The following ME3 variants were observed in gnomAD, a reference collection of about 807,000 sequenced individuals.
ME3 encodes malic enzyme 3, also known as NADP-dependent malic enzyme, mitochondrial.
ME3 carries 48 observed loss-of-function variants against 68.9 expected under a neutral mutation model. That is an observed-to-expected ratio of 0.70 (90% CI 0.55 to 0.89). The LOEUF is 0.89. ME3 is among the 40% of genes least tolerant of loss of function. ME3 has a pLI of 0.00. For synonymous variants in ME3, 320 were observed against 318.8 expected (o/e 1.00, Z -0.04); for missense variants, 675 against 797.4 (o/e 0.85, Z 1.85).
At chr11:86,495,878 G>T (rs1952293584) in intron 6 of ME3, among the ~76,000 whole-genome samples, 1 of 152,106 alleles carries the variant, frequency 6.6e-6, no homozygotes. Flanking sequence ...GACTTACCTG[G>T]CTCATCATGG....
intron 2 of ME3, among the ~76,000 whole-genome samples, chr11:86,566,978 G>A (rs527472967): frequency 6.6e-6 from 1 of 152,206 alleles, no homozygotes; most frequent in South Asian, 2.1e-4. Context: ...AGCACTTTGG[G>A]AGGCTGAGGC....
intron 13 of ME3, among the ~76,000 whole-genome samples, chr11:86,445,777 A>T (rs1335313771): frequency 1.3e-5 from 2 of 152,162 alleles, no homozygotes; most frequent in African/African-American, 4.8e-5. Context: ...CTAGTAAGAT[A>T]CCTGGAATAG....
chr11:86,600,135 C>T (rs1960341505), intron 2 of ME3, among the ~76,000 whole-genome samples: 2 of 152,192 alleles, frequency 1.3e-5, no homozygotes, highest in East Asian at 3.9e-4. Context: ...ACTAAATGCT[C>T]CAATTAAAAG....
chr11:86,482,777 C>T (rs753253475), intron 7 of ME3, among the ~76,000 whole-genome samples: 1 of 151,892 alleles, frequency 6.6e-6, no homozygotes, highest in Non-Finnish European at 1.5e-5. Flanking sequence ...GACCCTAAGA[C>T]TCAATGGAAA....
At chr11:86,531,464 A>G (rs1173917178) in intron 4 of ME3, among the ~76,000 whole-genome samples, 1 of 152,250 alleles carries the variant, frequency 6.6e-6, no homozygotes, top group East Asian at 1.9e-4. Context: ...ATCTAGAACT[A>G]GAAATACCAC....
intron 7 of ME3, among the ~76,000 whole-genome samples, chr11:86,468,900 C>T (rs565599933): frequency 1.4e-4 from 21 of 152,080 alleles, no homozygotes; most frequent in Non-Finnish European, 2.1e-4. Flanking sequence ...ATGATGTAGG[C>T]GCTGTTTCCA....
rs552915954 is a variant in ME3 at position 86,507,645 on chromosome 11, G to A, written c.543+1147C>T. On this transcript the variant is annotated intron_variant, in intron 5 of 14. Transcript: ENST00000543262. ...TAGCAGGAGGAGATCTGGGGATTTAGCCAGAGGCTAATACATTTCTACAAA... is the reference window on the plus strand; with the variant it reads ...TAGCAGGAGGAGATCTGGGGATTTAACCAGAGGCTAATACATTTCTACAAA... 2.6e-5 allele frequency among the ~76,000 whole-genome samples: 4 copies of A among 152,262 alleles called. 1 individual carries two copies. In the South Asian group the frequency reaches 8.3e-4, roughly 32 times the overall value.
At chr11:86,471,141 C>CTTTTTTTTTTTTTTTTTTTT (rs1163128094) in intron 7 of ME3, among the ~76,000 whole-genome samples, 10 of 75,034 alleles carry the variant, frequency 1.3e-4, no homozygotes, top group African/African-American at 5.7e-4. Flanking sequence ...AGGCCCAGAG[C>CTTTTTTTTTTTTTTTTTTTT]TTTTTTTTTT....
At chr11:86,436,121 C>A (rs1427908706), downstream of ME3, 1 of 152,102 alleles carries the variant, frequency 6.6e-6, no homozygotes, top group Non-Finnish European at 1.5e-5. Context: ...TGAAGACTTA[C>A]AAGGCAAGGG....
At chr11:86,533,087 C>T (rs987434990) in intron 4 of ME3, among the ~76,000 whole-genome samples, 3 of 150,974 alleles carry the variant, frequency 2.0e-5, no homozygotes, top group African/African-American at 7.3e-5. Flanking sequence ...GTAACCTAAT[C>T]TTATACCTCA....
At chr11:86,448,858 G>C (rs1286938635) in intron 10 of ME3, among the ~76,000 whole-genome samples, 1 of 152,162 alleles carries the variant, frequency 6.6e-6, no homozygotes, top group African/African-American at 2.4e-5. Flanking sequence ...CTTTGGATTA[G>C]CTGGCCTCAT....
At chr11:86,611,452 AG>A (rs1942565966) in intron 2 of ME3, among the ~76,000 whole-genome samples, 1 of 152,134 alleles carries the variant, frequency 6.6e-6, no homozygotes, top group African/African-American at 2.4e-5. Flanking sequence ...ACACAAAAAA[AG>A]GTGGGTAACT....
At chr11:86,467,066 G>A (rs536541217) in intron 7 of ME3, among the ~76,000 whole-genome samples, 158 of 151,148 alleles carry the variant, frequency 1.0e-3, no homozygotes, top group African/African-American at 3.6e-3. Flanking sequence ...ATATATTGAA[G>A]GTATAAAATG....
At chr11:86,450,120 G>T in intron 9 of ME3, 118 bp from the exon 10 acceptor site, 3 of 955,610 alleles carry the variant, frequency 3.1e-6, no homozygotes, top group Non-Finnish European at 4.8e-6. Flanking sequence ...CTCCCAGGAG[G>T]CCCAATTAAG....
At chr11:86,518,451 GGAAATTTACTAC>G (rs1395523307) in intron 4 of ME3, among the ~76,000 whole-genome samples, 37 of 152,272 alleles carry the variant, frequency 2.4e-4, no homozygotes, top group Non-Finnish European at 4.4e-5. Flanking sequence ...GACTCCCCTA[GGAAATTTACTAC>G]GCCCAGCCAG....
chr11:86,662,650 G>A (rs976273624), intron 2 of ME3, among the ~76,000 whole-genome samples: 1 of 152,086 alleles, frequency 6.6e-6, no homozygotes, highest in Non-Finnish European at 1.5e-5. Flanking sequence ...TAATAACAGT[G>A]TCTACCTCAA....
At chr11:86,642,817 GTTAAT>G (rs1367507210) in intron 2 of ME3, among the ~76,000 whole-genome samples, 5 of 152,082 alleles carry the variant, frequency 3.3e-5, no homozygotes, top group African/African-American at 9.7e-5. Context: ...TTTATTAATA[GTTAAT>G]TTATTTTCCA....
At chr11:86,545,969 T>C (rs1956336838) in intron 4 of ME3, among the ~76,000 whole-genome samples, 1 of 152,134 alleles carries the variant, frequency 6.6e-6, no homozygotes, top group South Asian at 2.1e-4. Context: ...AACAGACATA[T>C]AGACCAATGG....
intron 2 of ME3, among the ~76,000 whole-genome samples, chr11:86,664,606 T>C (rs1317646829): frequency 6.6e-6 from 1 of 152,172 alleles, no homozygotes; most frequent in African/African-American, 2.4e-5. Context: ...GTGGTTTCCT[T>C]TGACTTTTAT....
Sources: allele counts gnomAD v4.1 joint callset (sites outside exome capture counted in the v4.1 genomes callset), GRCh38; gene constraint gnomAD v4.1.1; transcripts MANE v1.5; gene names NCBI Gene and HGNC (gene_info 2026-07-23, HGNC 2026-07-21).